ZMAT4: variants seen among roughly 807,000 people sequenced by gnomAD.
The protein encoded by ZMAT4 is zinc finger matrin-type protein 4.
A neutral mutation model predicts 28.7 loss-of-function variants in ZMAT4; 17 were observed. That is an observed-to-expected ratio of 0.59 (90% CI 0.41 to 0.89). The LOEUF is 0.89. Among genes scored for constraint, ZMAT4 ranks in the 40% least tolerant of loss-of-function variants. ZMAT4 has a pLI of 0.00. For missense variants in ZMAT4, 240 were observed against 283.8 expected (o/e 0.85, Z 1.11); for synonymous variants, 117 against 109.2 (o/e 1.07, Z -0.44).
chr8:40,752,866 T>A (rs540457969), intron 3 of ZMAT4, among the ~76,000 whole-genome samples: 2 of 150,734 alleles, frequency 1.3e-5, no homozygotes, highest in South Asian at 4.3e-4. Context: ...GTGCTCATGC[T>A]GGCTGTCTTC....
At chr8:40,619,208 C>T (rs1466760962) in intron 5 of ZMAT4, among the ~76,000 whole-genome samples, 4 of 152,104 alleles carry the variant, frequency 2.6e-5, no homozygotes, top group African/African-American at 7.2e-5. Context: ...CGTTGGTGGC[C>T]ACAATGCTGA....
rs3038823 is a variant in ZMAT4 at position 40,655,059 on chromosome 8, T to TACACACAC, written c.577+19637_577+19644dup. Among the ~76,000 whole-genome samples, 183 of 148,882 alleles carry TACACACAC rather than the reference T, an allele frequency of 1.2e-3. 1 individual carries two copies. The highest frequency in any genetic ancestry group is 3.4e-3 in the Middle Eastern group (1 of 294). Reference sequence around the variant, plus strand: ...TATTTAGAAAATCCTAAGGAATACCTACACACACACACACACACACACAGC... The same window carrying TACACACAC: ...TATTTAGAAAATCCTAAGGAATACCTACACACACACACACACACACACACACACACAGC... On this transcript the variant is annotated intron_variant, in intron 5 of 6. Transcript: ENST00000297737.
At chr8:40,753,028 A>C in intron 3 of ZMAT4, among the ~76,000 whole-genome samples, 1 of 151,110 alleles carries the variant, frequency 6.6e-6, no homozygotes. Context: ...ATTTGTCCTA[A>C]TGCTCTCCCT....
intron 4 of ZMAT4, among the ~76,000 whole-genome samples, chr8:40,685,976 C>A (rs1185146238): frequency 2.6e-5 from 4 of 152,050 alleles, no homozygotes; most frequent in African/African-American, 9.7e-5. Flanking sequence ...GCAGACAGGA[C>A]TGGGAACCCT....
intron 1 of ZMAT4, among the ~76,000 whole-genome samples, chr8:40,894,982 A>C (rs1313285071): frequency 6.6e-6 from 1 of 152,232 alleles, no homozygotes; most frequent in Non-Finnish European, 1.5e-5. Context: ...TGACAAGATC[A>C]AAGTAGGTTG....
chr8:40,668,409 G>A (rs1214620171), intron 5 of ZMAT4, among the ~76,000 whole-genome samples: 4 of 144,962 alleles, frequency 2.8e-5, no homozygotes, highest in Non-Finnish European at 6.0e-5. Context: ...GGCGGAGGTT[G>A]CAGTGAGCCA....
chr8:40,820,375 TG>T (rs1368878642), intron 2 of ZMAT4, among the ~76,000 whole-genome samples: 4 of 142,552 alleles, frequency 2.8e-5, no homozygotes, highest in African/African-American at 7.9e-5. Context: ...TCTACGTGTG[TG>T]GGTGTGTAGA....
intron 2 of ZMAT4, among the ~76,000 whole-genome samples, chr8:40,771,821 A>G (rs7844987): frequency 0.011 from 1,661 of 152,336 alleles, 23 homozygotes; most frequent in African/African-American, 0.038. Context: ...AGGAAAAGCT[A>G]CATCTGAAAC....
chr8:40,840,737 T>A, intron 1 of ZMAT4, among the ~76,000 whole-genome samples: 1 of 152,218 alleles, frequency 6.6e-6, no homozygotes, highest in Admixed American at 6.5e-5. Flanking sequence ...ATAGGTTCAA[T>A]ACTGCTTAAT....
chr8:40,560,929 G>A (rs904216673), intron 6 of ZMAT4, among the ~76,000 whole-genome samples: 1 of 152,106 alleles, frequency 6.6e-6, no homozygotes, highest in Non-Finnish European at 1.5e-5. Context: ...TGGTCTTTAT[G>A]TATGTCTCGC....
At chr8:40,708,268 G>A (rs1810447799) in intron 3 of ZMAT4, among the ~76,000 whole-genome samples, 1 of 152,182 alleles carries the variant, frequency 6.6e-6, no homozygotes, top group Non-Finnish European at 1.5e-5. Flanking sequence ...ACAGCAGCTG[G>A]CATCAGGAGC....
chr8:40,621,808 T>A lies in ZMAT4; in HGVS notation c.578-40547A>T, dbSNP rs528906115. On this transcript the variant is annotated intron_variant, in intron 5 of 6. Transcript: ENST00000297737. ...GTGAGAGCCACTCAGGGTCTAAGAT[T>A]TAATATTCTAGTGGTTCTTTGATAC... Among the ~76,000 whole-genome samples, 6 of 152,316 alleles carry A rather than the reference T, an allele frequency of 3.9e-5. No homozygotes were observed. In the South Asian group the frequency reaches 1.2e-3, roughly 32 times the overall value.
At chr8:40,814,448 A>G (rs1586099776) in intron 2 of ZMAT4, among the ~76,000 whole-genome samples, 1 of 152,368 alleles carries the variant, frequency 6.6e-6, no homozygotes, top group South Asian at 2.1e-4. Flanking sequence ...ATAACCAATC[A>G]TTACAGGTCG....
chr8:40,800,219 A>C (rs1215799405), intron 2 of ZMAT4, among the ~76,000 whole-genome samples: 1 of 152,258 alleles, frequency 6.6e-6, no homozygotes, highest in African/African-American at 2.4e-5. Context: ...GTATAGACCT[A>C]ATAACAAGGC....
chr8:40,789,600 AG>A (rs1253264332), intron 2 of ZMAT4, among the ~76,000 whole-genome samples: 1 of 152,244 alleles, frequency 6.6e-6, no homozygotes, highest in African/African-American at 2.4e-5. Flanking sequence ...CAAATTCATG[AG>A]GGGATGAAGA....
intron 2 of ZMAT4, among the ~76,000 whole-genome samples, chr8:40,791,550 C>T (rs537120884): frequency 1.3e-5 from 2 of 152,334 alleles, no homozygotes; most frequent in African/African-American, 2.4e-5. Context: ...CGCCCTGGCT[C>T]ATGGCTGAGT....
chr8:40,831,214 T>A (rs968653581), intron 1 of ZMAT4, among the ~76,000 whole-genome samples: 1 of 152,104 alleles, frequency 6.6e-6, no homozygotes, highest in African/African-American at 2.4e-5. Flanking sequence ...AGCTGCCCAC[T>A]CCTCCTGCCA....
intron 5 of ZMAT4, among the ~76,000 whole-genome samples, chr8:40,622,733 G>A (rs777583261): frequency 6.6e-6 from 1 of 152,166 alleles, no homozygotes; most frequent in Non-Finnish European, 1.5e-5. Context: ...GTGTCACATG[G>A]TGACAGCAAG....
rs75723250 is a variant in ZMAT4 at position 40,843,417 on chromosome 8, G to A, written c.-4-17737C>T. Among the ~76,000 whole-genome samples, 943 of 152,252 alleles carry A rather than the reference G, an allele frequency of 6.2e-3. 20 individuals carry two copies. Among genetic ancestry groups the A allele is most frequent in the East Asian group, 0.052 (266 of 5,164 alleles). ...TGTGTCCAGCTCACTCCTAGGTGGC[G>A]TTTGTATGTTGCAAGATGGGTCAGA... is the stretch of plus-strand genomic sequence containing the variant. On this transcript the variant is annotated intron_variant, in intron 1 of 6. Transcript: ENST00000297737.
Sources: gnomAD v4.1 joint callset for allele counts (sites outside exome capture counted in the v4.1 genomes callset) on GRCh38, gnomAD v4.1.1 for gene constraint, MANE v1.5 for transcripts, NCBI Gene and HGNC (gene_info 2026-07-23, HGNC 2026-07-21) for gene names.